CPA6: variants seen among roughly 807,000 people sequenced by gnomAD.
CPA6 encodes carboxypeptidase B.
A neutral mutation model predicts 63.3 loss-of-function variants in CPA6; 58 were observed. That is an observed-to-expected ratio of 0.92 (90% confidence interval 0.74 to 1.14). CPA6 has a LOEUF of 1.14. Among genes scored for constraint, CPA6 ranks in the 50% most tolerant of loss-of-function variants. The pLI, the probability that CPA6 is intolerant of heterozygous loss-of-function variation, is 0.00. For missense variants in CPA6, 565 were observed against 526.6 expected, an observed-to-expected ratio of 1.07 and a Z score of -0.71; for synonymous variants, 185 against 179.0, an observed-to-expected ratio of 1.03 and a Z score of -0.27.
intron 2 of CPA6, among the ~76,000 whole-genome samples, chr8:67,592,641 T>A (rs1260409400): frequency 2.6e-5 from 4 of 152,070 alleles, no homozygotes; most frequent in African/African-American, 7.2e-5. Context: ...GAGGAATTTA[T>A]CCATTTCTTC....
intron 2 of CPA6, among the ~76,000 whole-genome samples, chr8:67,588,789 G>GAA (rs1163431629): frequency 6.6e-6 from 1 of 152,134 alleles, no homozygotes; most frequent in Non-Finnish European, 1.5e-5. Flanking sequence ...GCCCCAAACT[G>GAA]TGATTTGCTT....
At position 67,592,098 on chromosome 8, in the gene CPA6, G is replaced by A. The variant is rs533312625; in HGVS notation, c.192+32078C>T. On this transcript the variant is annotated intron_variant, in intron 2 of 10. Transcript: ENST00000297770. ...TTTATTGAGAGTTTTTAGCTTGAAGGGTTGTTGAATTTTGTCAAAGGCCTT... is the reference window on the plus strand; with the variant it reads ...TTTATTGAGAGTTTTTAGCTTGAAGAGTTGTTGAATTTTGTCAAAGGCCTT... Among the ~76,000 whole-genome samples, 175 of 152,132 alleles carry A rather than the reference G, an allele frequency of 1.2e-3. 1 individual carries two copies. The highest frequency in any genetic ancestry group is 8.3e-3 in the South Asian group (40 of 4,818).
intron 2 of CPA6, among the ~76,000 whole-genome samples, chr8:67,575,131 AAAATGCTTGACATTATTAATCATTAGGG>A (rs1159040979): frequency 1.3e-5 from 2 of 152,226 alleles, no homozygotes; most frequent in African/African-American, 4.8e-5. Flanking sequence ...ATACATGAAA[AAAATGCTTGACATTATTAATCATTAGGG>A]AAATGCAAAT....
intron 2 of CPA6, among the ~76,000 whole-genome samples, chr8:67,614,347 A>T (rs421352): frequency 6.6e-6 from 1 of 152,210 alleles, no homozygotes; most frequent in East Asian, 1.9e-4. Flanking sequence ...CCCTTTCATC[A>T]GTACATGGAA....
chr8:67,440,024 T>C (rs983150036), intron 8 of CPA6, among the ~76,000 whole-genome samples: 1 of 152,198 alleles, frequency 6.6e-6, no homozygotes, highest in Admixed American at 6.5e-5. Flanking sequence ...GCAGCCTTGG[T>C]ATTTGTATTA....
chr8:67,656,527 T>G (rs748202699), intron 1 of CPA6, among the ~76,000 whole-genome samples: 3 of 152,162 alleles, frequency 2.0e-5, no homozygotes, highest in Non-Finnish European at 4.4e-5. Flanking sequence ...TATCCCCATG[T>G]GATGCTGGGT....
At chr8:67,683,950 G>A (rs114956971) in intron 1 of CPA6, among the ~76,000 whole-genome samples, 6,122 of 148,644 alleles carry the variant, frequency 0.041, 209 homozygotes, top group African/African-American at 0.089. Flanking sequence ...TCAGCTGCTT[G>A]AGAAGCTGGG....
intron 1 of CPA6, among the ~76,000 whole-genome samples, chr8:67,640,260 C>T (rs1056326520): frequency 2.0e-5 from 3 of 151,390 alleles, no homozygotes; most frequent in African/African-American, 7.4e-5. Flanking sequence ...CTGCCTCCTG[C>T]TGCCATTCAT....
At chr8:67,475,837 TTCTTTC>T (rs1302982587) in intron 8 of CPA6, among the ~76,000 whole-genome samples, 1 of 85,376 alleles carries the variant, frequency 1.2e-5, no homozygotes, top group Non-Finnish European at 2.2e-5. Flanking sequence ...CTTTCTTTCT[TTCTTTC>T]TTTCTTTCTT....
At chr8:67,457,357 C>T (rs1307164814) in intron 8 of CPA6, among the ~76,000 whole-genome samples, 1 of 152,184 alleles carries the variant, frequency 6.6e-6, no homozygotes, top group African/African-American at 2.4e-5. Context: ...CCAAAATTCT[C>T]ATTTTTTTCC....
At chr8:67,555,828 C>G (rs928630653) in intron 2 of CPA6, among the ~76,000 whole-genome samples, 3 of 152,190 alleles carry the variant, frequency 2.0e-5, no homozygotes, top group African/African-American at 7.2e-5. Context: ...ATGGAAAAAT[C>G]ACACATATTT....
At chr8:67,582,383 G>A (rs1300615778) in intron 2 of CPA6, among the ~76,000 whole-genome samples, 1 of 152,136 alleles carries the variant, frequency 6.6e-6, no homozygotes. Context: ...GATGTTTCAG[G>A]TTTCTAGAAA....
intron 2 of CPA6, among the ~76,000 whole-genome samples, chr8:67,553,790 A>T (rs1813001803): frequency 1.3e-5 from 2 of 152,218 alleles, no homozygotes; most frequent in Admixed American, 1.3e-4. Flanking sequence ...AAACAACATG[A>T]ATGACTTGGT....
intron 8 of CPA6, among the ~76,000 whole-genome samples, chr8:67,477,183 T>C (rs7010517): frequency 0.39 from 57,410 of 148,914 alleles, 11,262 homozygotes; most frequent in African/African-American, 0.49. Context: ...CCCAGCTACT[T>C]GGGAGGCTGA....
chr8:67,481,418 G>A (rs1811358289), intron 8 of CPA6, among the ~76,000 whole-genome samples: 1 of 152,156 alleles, frequency 6.6e-6, no homozygotes, highest in Non-Finnish European at 1.5e-5. Context: ...TTCATCTTAT[G>A]GGTGAAACAC....
intron 1 of CPA6, among the ~76,000 whole-genome samples, chr8:67,661,130 G>A (rs911154763): frequency 6.6e-6 from 1 of 152,212 alleles, no homozygotes; most frequent in Non-Finnish European, 1.5e-5. Context: ...AGCAGGGGAG[G>A]AGAACACAGA....
chr8:67,660,665 G>C (rs1374353970), intron 1 of CPA6, among the ~76,000 whole-genome samples: 1 of 151,918 alleles, frequency 6.6e-6, no homozygotes, highest in African/African-American at 2.4e-5. Flanking sequence ...TTAACGAATT[G>C]TAAGGGTGCT....
intron 2 of CPA6, among the ~76,000 whole-genome samples, chr8:67,591,938 T>C (rs1392522153): frequency 5.9e-5 from 9 of 152,188 alleles, no homozygotes. Flanking sequence ...ATAGGAGTGA[T>C]GAGAGAGGGC....
intron 2 of CPA6, among the ~76,000 whole-genome samples, chr8:67,556,874 T>A (rs990789335): frequency 3.3e-5 from 5 of 152,220 alleles, no homozygotes; most frequent in African/African-American, 1.2e-4. Context: ...GCCCTTGAGA[T>A]TAGCACCTGG....
Sources: allele counts gnomAD v4.1 joint callset (sites outside exome capture counted in the v4.1 genomes callset), GRCh38; gene constraint gnomAD v4.1.1; transcripts MANE v1.5; gene names NCBI Gene and HGNC (gene_info 2026-07-23, HGNC 2026-07-21).